The following NDST3 variants were observed in gnomAD, a reference collection of about 807,000 sequenced individuals.
NDST3 encodes N-deacetylase and N-sulfotransferase 3.
NDST3 carries 58 observed loss-of-function variants against 96.1 expected under a neutral mutation model. The observed-to-expected ratio is 0.60, with a 90% CI of 0.49 to 0.75. NDST3 has a LOEUF of 0.75. NDST3 is among the 30% of genes least tolerant of loss of function. The pLI, the probability that NDST3 is intolerant of heterozygous loss-of-function variation, is 0.00. For synonymous variants in NDST3, 333 were observed against 359.7 expected, an observed-to-expected ratio of 0.93 and a Z score of 0.84; for missense variants, 788 against 1,034.2, an observed-to-expected ratio of 0.76 and a Z score of 3.27.
chr4:118,098,803 C>G (rs1236222659), intron 2 of NDST3, among the ~76,000 whole-genome samples: 1 of 151,946 alleles, frequency 6.6e-6, no homozygotes, highest in Admixed American at 6.6e-5. Context: ...GGATATAAAG[C>G]CCTGTGAAGT....
chr4:118,165,283 A>G (rs1487477499), intron 6 of NDST3, among the ~76,000 whole-genome samples: 1 of 152,118 alleles, frequency 6.6e-6, no homozygotes. Context: ...AGCCATATTC[A>G]TATCAGAAAA....
At chr4:118,093,712 G>A (rs1013414200) in intron 2 of NDST3, among the ~76,000 whole-genome samples, 14 of 151,756 alleles carry the variant, frequency 9.2e-5, no homozygotes, top group African/African-American at 3.1e-4. Context: ...AGACCTATAT[G>A]TATGTAAAAT....
chr4:118,240,805 A>T lies in NDST3; in HGVS notation c.2289+111A>T, dbSNP rs1183082478. ...AAACTATTACTAGTTTTTCCTCTTT[A>T]GTTGTAAATAATGAGGCTATGGCAA... is the stretch of plus-strand genomic sequence containing the variant. On this transcript the variant is annotated intron_variant, in intron 11 of 13. Coordinates refer to ENST00000296499, the MANE Select transcript of NDST3 (RefSeq NM_004784.3). The T allele has an allele frequency of 8.9e-6, 9 of 1,016,432 alleles. No individual in the cohort carries two copies. In the South Asian group the frequency reaches 1.5e-4, roughly 17 times the overall value. The allele number at this position is 1,016,432 out of a possible 1,614,324, so 63.0% of individuals were successfully genotyped here.
chr4:118,144,169 G>A (rs748282893), intron 6 of NDST3, among the ~76,000 whole-genome samples: 9 of 151,894 alleles, frequency 5.9e-5, no homozygotes, highest in Non-Finnish European at 1.2e-4. Flanking sequence ...AGCAGAGCAG[G>A]CCTATTTAAT....
At chr4:118,119,822 C>A (rs1179844966) in intron 4 of NDST3, among the ~76,000 whole-genome samples, 1 of 152,136 alleles carries the variant, frequency 6.6e-6, no homozygotes, top group African/African-American at 2.4e-5. Flanking sequence ...CCCCATTACT[C>A]AGGAACTAAA....
At chr4:118,106,562 A>G (rs988113104) in intron 3 of NDST3, among the ~76,000 whole-genome samples, 12 of 152,040 alleles carry the variant, frequency 7.9e-5, no homozygotes, top group Non-Finnish European at 1.5e-4. Flanking sequence ...CTGGCAATGT[A>G]TAAATCTGTG....
rs747649441 is a variant in NDST3 at position 118,054,250 on chromosome 4, A to G, written c.340A>G (p.Lys114Glu). 1.9e-6 allele frequency: 3 copies of G among 1,612,694 alleles called. 1 individual carries two copies. The Admixed American group carries it at 5.0e-5, about 27-fold the overall frequency. ...GTATCACATTGAAATTGCCCCTGGA[A>G]AGGGAGATCTCCCAGTGCTTATAGA... ...FQYHIEIAPGKGDLPVLIDKM... is the reference protein window; with the variant it reads ...FQYHIEIAPGEGDLPVLIDKM... The change falls in exon 2 of 14, where the codon AAG becomes GAG. Residue 114 changes from lysine (K) to glutamate (E), a missense_variant. Physicochemically the swap from Lys to Glu is moderately conservative, Grantham distance 56. Coordinates refer to ENST00000296499, the MANE Select transcript of NDST3 (RefSeq NM_004784.3).
At chr4:118,094,498 T>G (rs1325107064) in intron 2 of NDST3, among the ~76,000 whole-genome samples, 1 of 151,860 alleles carries the variant, frequency 6.6e-6, no homozygotes, top group Non-Finnish European at 1.5e-5. Flanking sequence ...TCTACCCACT[T>G]GGTGCAACAT....
chr4:118,133,536 C>T (rs530749582), intron 4 of NDST3, among the ~76,000 whole-genome samples: 5 of 152,246 alleles, frequency 3.3e-5, no homozygotes, highest in South Asian at 2.1e-4. Context: ...CGAGGTACTG[C>T]GATTGCTTAC....
In NDST3 at chr4:118,112,866, T is replaced by C. The variant is rs533033219; in HGVS notation, c.1070-1940T>C. ...GATAACCACTCAGAAGCGCCAAGAA[T>C]GCTGGTGACTCATTCATTAATCAGG... On this transcript the variant is annotated intron_variant, in intron 3 of 13. Coordinates refer to ENST00000296499, the MANE Select transcript of NDST3 (RefSeq NM_004784.3). Among the ~76,000 whole-genome samples, 5 of 152,264 alleles carry C rather than the reference T, an allele frequency of 3.3e-5. No homozygotes were observed. In the East Asian group the frequency reaches 9.6e-4, roughly 29 times the overall value.
intron 4 of NDST3, among the ~76,000 whole-genome samples, chr4:118,129,880 T>C (rs752186818): frequency 3.3e-5 from 5 of 152,088 alleles, no homozygotes; most frequent in African/African-American, 4.8e-5. Flanking sequence ...GTTGGGTGCA[T>C]ATATATTTTA....
chr4:118,127,166 T>C lies in NDST3; in HGVS notation c.1225-10888T>C, dbSNP rs566594273. Among the ~76,000 whole-genome samples, 194 of 152,196 alleles carry C rather than the reference T, an allele frequency of 1.3e-3. 3 individuals carry two copies. The highest frequency in any genetic ancestry group is 4.5e-3 in the African/African-American group (189 of 41,556). ...GGTTGTCTCTTCACTTTGTTGAATG[T>C]TTTGTTTGCTGTGTAGAAGCATTTT... On this transcript the variant is annotated intron_variant, in intron 4 of 13. Transcript: ENST00000296499.
At chr4:118,144,759 T>C (rs921330144) in intron 6 of NDST3, among the ~76,000 whole-genome samples, 5 of 150,754 alleles carry the variant, frequency 3.3e-5, no homozygotes, top group African/African-American at 1.2e-4. Context: ...AAAAAAAAAT[T>C]ATCAGTGAAA....
chr4:118,168,531 G>A (rs1425837236), intron 6 of NDST3, among the ~76,000 whole-genome samples: 1 of 151,984 alleles, frequency 6.6e-6, no homozygotes, highest in Non-Finnish European at 1.5e-5. Context: ...TGGTAAGAAT[G>A]TAAAATGGTA....
chr4:118,213,718 C>T (rs1738993406), intron 6 of NDST3, among the ~76,000 whole-genome samples: 1 of 149,792 alleles, frequency 6.7e-6, no homozygotes, highest in African/African-American at 2.4e-5. Flanking sequence ...ATAATTTATA[C>T]ATAATTTATA....
chr4:118,114,354 A>C (rs765652834), intron 3 of NDST3, among the ~76,000 whole-genome samples: 6 of 152,180 alleles, frequency 3.9e-5, no homozygotes, highest in Non-Finnish European at 8.8e-5. Flanking sequence ...CCCAGACCTA[A>C]GGAGGAACCC....
At chr4:118,166,459 A>T (rs1261958581) in intron 6 of NDST3, among the ~76,000 whole-genome samples, 1 of 151,892 alleles carries the variant, frequency 6.6e-6, no homozygotes, top group South Asian at 2.1e-4. Flanking sequence ...TTTACTGGTG[A>T]CTTATATCAA....
At chr4:118,123,514 A>G (rs1272617480) in intron 4 of NDST3, among the ~76,000 whole-genome samples, 1 of 152,082 alleles carries the variant, frequency 6.6e-6, no homozygotes, top group East Asian at 1.9e-4. Context: ...CTTTTCAGTT[A>G]TTTTGCTACA....
chr4:118,235,406 G>A (rs1248012911), intron 9 of NDST3, among the ~76,000 whole-genome samples: 1 of 152,116 alleles, frequency 6.6e-6, no homozygotes, highest in Non-Finnish European at 1.5e-5. Context: ...CGGACATATA[G>A]GCAAACAAGA....
Sources: allele counts gnomAD v4.1 joint callset (sites outside exome capture counted in the v4.1 genomes callset), GRCh38; gene constraint gnomAD v4.1.1; transcripts MANE v1.5; gene names NCBI Gene and HGNC (gene_info 2026-07-23, HGNC 2026-07-21).